STAG1: variants seen among roughly 807,000 people sequenced by gnomAD.
STAG1 encodes cohesin subunit SA-1.
STAG1 carries 26 observed loss-of-function variants against 170.9 expected under a neutral mutation model. The ratio of observed to expected loss-of-function variants is 0.15; its 90% confidence interval spans 0.11 to 0.21. The LOEUF is 0.21. Among genes scored for constraint, STAG1 ranks in the 10% least tolerant of loss-of-function variants. STAG1 has a pLI of 1.00. For synonymous variants in STAG1, 514 were observed against 497.7 expected (o/e 1.03, Z -0.44); for missense variants, 964 against 1,509.5 (o/e 0.64, Z 5.99).
At chr3:136,347,079 A>AT (rs757120538) in intron 29 of STAG1, among the ~76,000 whole-genome samples, 35 of 143,592 alleles carry the variant, frequency 2.4e-4, no homozygotes, top group Middle Eastern at 3.6e-3. Context: ...ACCCTGTCTC[A>AT]TTAAAAAAAA....
At chr3:136,369,382 G>T in intron 23 of STAG1, 100 bp from the exon 24 acceptor site, 1 of 827,436 alleles carries the variant, frequency 1.2e-6, no homozygotes, top group Non-Finnish European at 1.7e-6. Context: ...TTTAATAGCA[G>T]TACCATAATA....
chr3:136,519,866 A>T (rs1246008842), intron 7 of STAG1, among the ~76,000 whole-genome samples: 1 of 152,056 alleles, frequency 6.6e-6, no homozygotes, highest in Non-Finnish European at 1.5e-5. Flanking sequence ...CTACATAGGT[A>T]TTTTTCAACA....
intron 12 of STAG1, among the ~76,000 whole-genome samples, chr3:136,469,972 A>G (rs2089580607): frequency 6.6e-6 from 1 of 152,266 alleles, no homozygotes; most frequent in Non-Finnish European, 1.5e-5. Flanking sequence ...TACACCTTAT[A>G]GAAAAATTAA....
At chr3:136,577,757 A>T (rs9834631) in intron 4 of STAG1, among the ~76,000 whole-genome samples, 55,078 of 152,092 alleles carry the variant, frequency 0.36, 10,996 homozygotes, top group African/African-American at 0.52. Context: ...ACTCAACAGA[A>T]ATCTGAGGAA....
intron 4 of STAG1, among the ~76,000 whole-genome samples, chr3:136,593,396 G>T (rs1938281215): frequency 6.6e-6 from 1 of 152,188 alleles, no homozygotes; most frequent in Non-Finnish European, 1.5e-5. Flanking sequence ...AATGAAAACA[G>T]CACAGGAGGA....
rs763938079 is a variant in STAG1, at chr3:136,559,163, A to ATC, written c.394+9601_394+9602insGA. On this transcript the variant is annotated intron_variant, in intron 5 of 33. Coordinates refer to ENST00000383202, the MANE Select transcript of STAG1 (RefSeq NM_005862.3). Reference sequence around the variant, plus strand: ...TATCTATCTATCTATCTATCTATCTATATACGTACACACTGTACAGGTGAG... The same window carrying ATC: ...TATCTATCTATCTATCTATCTATCTATCTATACGTACACACTGTACAGGTGAG... Among the ~76,000 whole-genome samples, 438 of 150,942 alleles carry ATC rather than the reference A, an allele frequency of 2.9e-3. 1 individual carries two copies. The highest frequency in any genetic ancestry group is 5.0e-3 in the East Asian group (26 of 5,178).
chr3:136,587,875 T>C (rs563080184), intron 4 of STAG1, among the ~76,000 whole-genome samples: 25 of 152,142 alleles, frequency 1.6e-4, no homozygotes, highest in South Asian at 6.2e-4. Flanking sequence ...GGCAGGAGAA[T>C]AGCTTGAACC....
intron 1 of STAG1, among the ~76,000 whole-genome samples, chr3:136,646,686 T>A (rs1941028275): frequency 6.6e-6 from 1 of 152,122 alleles, no homozygotes; most frequent in Non-Finnish European, 1.5e-5. Flanking sequence ...GGCAGGCAGA[T>A]CACGAGGTCA....
At chr3:136,737,142 C>CT (rs772013241) in intron 1 of STAG1, 52 of 794,460 alleles carry the variant, frequency 6.5e-5, no homozygotes, top group Non-Finnish European at 1.1e-4. Flanking sequence ...AACCAAGTCT[C>CT]TCTTCTCTAT....
intron 1 of STAG1, among the ~76,000 whole-genome samples, chr3:136,687,006 T>C: frequency 6.6e-6 from 1 of 152,198 alleles, no homozygotes; most frequent in East Asian, 1.9e-4. Flanking sequence ...ATCTAACAAC[T>C]GGGACCATCC....
intron 9 of STAG1, among the ~76,000 whole-genome samples, chr3:136,496,828 T>A (rs930341202): frequency 6.0e-5 from 9 of 149,546 alleles, no homozygotes; most frequent in Non-Finnish European, 8.9e-5. Context: ...ATAGAAAAAT[T>A]CAATATAAAA....
At chr3:136,365,053 G>C (rs1353799588) in intron 25 of STAG1, among the ~76,000 whole-genome samples, 2 of 152,104 alleles carry the variant, frequency 1.3e-5, no homozygotes, top group South Asian at 4.1e-4. Flanking sequence ...TATCAGAAGA[G>C]CAAATAGCTA....
intron 13 of STAG1, among the ~76,000 whole-genome samples, chr3:136,452,771 A>T (rs556853420): frequency 6.6e-6 from 1 of 152,196 alleles, no homozygotes; most frequent in South Asian, 2.1e-4. Flanking sequence ...TTGATACTAG[A>T]ATATGTAATT....
chr3:136,379,684 G>A (rs138578812), intron 22 of STAG1, among the ~76,000 whole-genome samples: 17 of 152,218 alleles, frequency 1.1e-4, no homozygotes, highest in Admixed American at 2.0e-4. Flanking sequence ...ACCCCAGCCC[G>A]GTCAATAGAG....
Position 136,337,955 on chromosome 3 carries a change from T to C in STAG1, c.*299A>G, listed in dbSNP as rs555438038. 6 of 297,222 alleles carry C rather than the reference T, an allele frequency of 2.0e-5. No individual in the cohort carries two copies. The highest frequency in any genetic ancestry group is 4.9e-5 in the Admixed American group (1 of 20,326). 18.4% of individuals were successfully genotyped at this position (297,222 alleles called of 1,614,324 possible). On this transcript the variant is annotated 3_prime_UTR_variant, in exon 34 of 34. Transcript: ENST00000383202. ...ACAGTGTTTATCTTGACAGCTGTTT[T>C]AAAAATTTAAAATTTCTTCCTCCCT...
chr3:136,521,135 T>A (rs970281794), intron 7 of STAG1, 78 bp downstream of exon 7: 24 of 1,163,810 alleles, frequency 2.1e-5, no homozygotes, highest in Middle Eastern at 2.1e-4. Flanking sequence ...TAATTAAATC[T>A]TCTCATTAAG....
chr3:136,460,827 T>G (rs2089253434), intron 13 of STAG1, among the ~76,000 whole-genome samples: 1 of 152,066 alleles, frequency 6.6e-6, no homozygotes, highest in Non-Finnish European at 1.5e-5. Context: ...TTCTACAAGG[T>G]CAGCATCACC....
intron 1 of STAG1, among the ~76,000 whole-genome samples, chr3:136,680,756 AATT>A (rs1942304867): frequency 6.6e-6 from 1 of 151,358 alleles, no homozygotes; most frequent in Non-Finnish European, 1.5e-5. Context: ...AACACAAAAA[AATT>A]ATAACTAGTG....
chr3:136,632,440 C>G (rs906432457), intron 1 of STAG1, among the ~76,000 whole-genome samples: 1 of 152,160 alleles, frequency 6.6e-6, no homozygotes, highest in Non-Finnish European at 1.5e-5. Flanking sequence ...AGATCAAACT[C>G]TTGGTGCAAC....
Sources: allele counts gnomAD v4.1 joint callset (sites outside exome capture counted in the v4.1 genomes callset), GRCh38; gene constraint gnomAD v4.1.1; transcripts MANE v1.5; gene names NCBI Gene and HGNC (gene_info 2026-07-23, HGNC 2026-07-21).